ATP10B: variants seen among roughly 807,000 people sequenced by gnomAD.
ATP10B encodes phospholipid-transporting ATPase VB.
A neutral mutation model predicts 141.2 loss-of-function variants in ATP10B; 122 were observed. The ratio of observed to expected loss-of-function variants is 0.86; its 90% CI spans 0.75 to 1.00. The LOEUF is 1.00. ATP10B is among the 50% of genes least tolerant of loss of function. The pLI, the probability that ATP10B is intolerant of heterozygous loss-of-function variation, is 0.00. For synonymous variants in ATP10B, 685 were observed against 692.0 expected (o/e 0.99, Z 0.16); for missense variants, 1,876 against 1,825.3 (o/e 1.03, Z -0.51).
chr5:160,646,921 G>T (rs547944981), intron 8 of ATP10B, among the ~76,000 whole-genome samples: 1 of 152,236 alleles, frequency 6.6e-6, no homozygotes, highest in African/African-American at 2.4e-5. Flanking sequence ...TCTCTGCTGG[G>T]GTGGGGGGCT....
chr5:160,887,835 C>A, the ATP10B span, among the ~76,000 whole-genome samples: 8 of 152,154 alleles, frequency 5.3e-5, no homozygotes, highest in Non-Finnish European at 1.2e-4. Flanking sequence ...GCACACTCCA[C>A]CTTATTGCTA....
At chr5:160,858,048 AT>A in the ATP10B span, among the ~76,000 whole-genome samples, 2 of 151,778 alleles carry the variant, frequency 1.3e-5, no homozygotes, top group East Asian at 3.9e-4. Context: ...TTTATATTCG[AT>A]TTTTTATTTT....
At chr5:160,714,503 G>T (rs1223685915) in intron 3 of ATP10B, among the ~76,000 whole-genome samples, 1 of 46,906 alleles carries the variant, frequency 2.1e-5, no homozygotes, top group African/African-American at 9.9e-5. Context: ...GGTTATTCTA[G>T]TTATACATTC....
chr5:160,645,010 G>A (rs1002360615), intron 8 of ATP10B, among the ~76,000 whole-genome samples: 5 of 151,834 alleles, frequency 3.3e-5, no homozygotes, highest in Non-Finnish European at 7.4e-5. Context: ...CCAGCTACTT[G>A]GGAGGCTGAG....
chr5:160,588,402 G>A (rs1382893565), intron 24 of ATP10B, among the ~76,000 whole-genome samples: 1 of 152,130 alleles, frequency 6.6e-6, no homozygotes, highest in Non-Finnish European at 1.5e-5. Flanking sequence ...GGTGGTGGGA[G>A]GCTGGGGTGG....
chr5:160,789,897 A>G (rs188807427), intron 1 of ATP10B, among the ~76,000 whole-genome samples: 1 of 152,300 alleles, frequency 6.6e-6, no homozygotes, highest in Admixed American at 6.5e-5. Flanking sequence ...TTCAATCAAC[A>G]ATGTATTCAT....
At chr5:160,843,671 T>C (rs150707360) in intron 1 of ATP10B, among the ~76,000 whole-genome samples, 133 of 152,180 alleles carry the variant, frequency 8.7e-4, no homozygotes, top group African/African-American at 3.1e-3. Flanking sequence ...AAACTATATT[T>C]AAAAAGTTTT....
At chr5:160,879,503 A>T in the ATP10B span, among the ~76,000 whole-genome samples, 6 of 145,942 alleles carry the variant, frequency 4.1e-5, no homozygotes, top group African/African-American at 1.5e-4. Context: ...AACCTGCACA[A>T]TGTGCACATG....
chr5:160,907,383 C>T, the ATP10B span, among the ~76,000 whole-genome samples: 1 of 146,414 alleles, frequency 6.8e-6, no homozygotes, highest in Non-Finnish European at 1.5e-5. Flanking sequence ...TTATCCTATG[C>T]AATTTTTTTT....
At chr5:160,900,175 A>G in the ATP10B span, among the ~76,000 whole-genome samples, 2 of 151,792 alleles carry the variant, frequency 1.3e-5, no homozygotes, top group African/African-American at 4.8e-5. Flanking sequence ...TCCCCCAACT[A>G]CTGAGTAGTT....
intron 3 of ATP10B, among the ~76,000 whole-genome samples, chr5:160,690,185 C>T (rs976832154): frequency 6.6e-6 from 1 of 152,154 alleles, no homozygotes; most frequent in African/African-American, 2.4e-5. Context: ...ACCTTCCTTA[C>T]ACATTATACA....
At chr5:160,802,807 A>T (rs1029362050) in intron 1 of ATP10B, among the ~76,000 whole-genome samples, 5 of 152,148 alleles carry the variant, frequency 3.3e-5, no homozygotes, top group African/African-American at 4.8e-5. Context: ...AAAGTATCAG[A>T]GTGTGTGTGG....
chr5:160,724,107 T>C (rs750762192), intron 2 of ATP10B, among the ~76,000 whole-genome samples: 2 of 151,856 alleles, frequency 1.3e-5, no homozygotes, highest in Non-Finnish European at 2.9e-5. Flanking sequence ...GGGAAGAACA[T>C]ACACTGGGGC....
At chr5:160,903,414 G>A in the ATP10B span, among the ~76,000 whole-genome samples, 3 of 152,108 alleles carry the variant, frequency 2.0e-5, no homozygotes, top group Admixed American at 6.5e-5. Context: ...TGGTGTACAC[G>A]CTCTCACAGG....
At chr5:160,681,558 A>G (rs1471751966) in intron 6 of ATP10B, among the ~76,000 whole-genome samples, 1 of 152,202 alleles carries the variant, frequency 6.6e-6, no homozygotes, top group African/African-American at 2.4e-5. Flanking sequence ...TGAAGAGGAC[A>G]GCTCAAGCCA....
At chr5:160,784,605 T>A (rs759461336) in intron 2 of ATP10B, among the ~76,000 whole-genome samples, 11 of 152,176 alleles carry the variant, frequency 7.2e-5, no homozygotes, top group Non-Finnish European at 1.5e-4. Context: ...ATTATGCAAA[T>A]TGGAGAAACA....
At chr5:160,577,386 C>T (rs1037981177) in intron 24 of ATP10B, among the ~76,000 whole-genome samples, 1 of 152,056 alleles carries the variant, frequency 6.6e-6, no homozygotes, top group Admixed American at 6.6e-5. Flanking sequence ...TACCTCATGA[C>T]TCTATCTTAT....
chr5:160,777,273 T>C (rs1282798391), intron 2 of ATP10B, among the ~76,000 whole-genome samples: 1 of 152,206 alleles, frequency 6.6e-6, no homozygotes, highest in East Asian at 1.9e-4. Flanking sequence ...GACAGTATCT[T>C]GGTTTGGGGA....
chr5:160,609,020 G>A (rs1264621986), intron 18 of ATP10B, among the ~76,000 whole-genome samples: 1 of 152,150 alleles, frequency 6.6e-6, no homozygotes, highest in Non-Finnish European at 1.5e-5. Flanking sequence ...CCTTTGTCCT[G>A]AATAGCATTG....
Sources: allele counts gnomAD v4.1 joint callset (sites outside exome capture counted in the v4.1 genomes callset), GRCh38; gene constraint gnomAD v4.1.1; transcripts MANE v1.5; gene names NCBI Gene and HGNC (gene_info 2026-07-23, HGNC 2026-07-21).